Variants in PCDHGA4 observed in about 807,000 individuals in gnomAD.
PCDHGA4 encodes protocadherin gamma subfamily A, 4.
A neutral mutation model predicts 54.6 loss-of-function variants in PCDHGA4; 38 were observed. The ratio of observed to expected loss-of-function variants is 0.70; its 90% CI spans 0.54 to 0.91. The LOEUF (loss-of-function observed/expected upper bound fraction) is 0.91, where lower values mean the gene tolerates loss of function less well. Among genes scored for constraint, PCDHGA4 ranks in the 40% least tolerant of loss-of-function variants. The pLI, the probability that PCDHGA4 is intolerant of heterozygous loss-of-function variation, is 0.00. For missense variants in PCDHGA4, 1,298 were observed against 1,220.9 expected (o/e 1.06, Z -0.94); for synonymous variants, 511 against 512.9 (o/e 1.00, Z 0.05).
At chr5:141,499,908 G>T (rs903753761) in intron 2 of PCDHGA4, among the ~76,000 whole-genome samples, 1 of 151,980 alleles carries the variant, frequency 6.6e-6, no homozygotes, top group African/African-American at 2.4e-5. Flanking sequence ...GGCTGGTCTT[G>T]AACTCCTGGC....
intron 1 of PCDHGA4, chr5:141,422,096 C>T: frequency 6.2e-7 from 1 of 1,610,710 alleles, no homozygotes; most frequent in Non-Finnish European, 8.5e-7. Context: ...AGCAAGGCTT[C>T]TGAAATATTC....
intron 1 of PCDHGA4, among the ~76,000 whole-genome samples, chr5:141,452,455 C>T (rs2098741536): frequency 6.6e-6 from 1 of 152,208 alleles, no homozygotes; most frequent in Non-Finnish European, 1.5e-5. Flanking sequence ...GCCTTGTCAG[C>T]AGACGGAGCT....
Position 141,476,782 on chromosome 5 carries a change from A to T in PCDHGA4, c.2515-18025A>T. On this transcript the variant is annotated intron_variant, in intron 1 of 3. Coordinates refer to ENST00000571252, the MANE Select transcript of PCDHGA4 (RefSeq NM_018917.4). The surrounding 1 kb of genome is among the most constrained non-coding windows in gnomAD (Gnocchi z 7.6). ...TGACGGCGTTGGACGGAGGGACCCCAGCTCTCTCCGCCAGCCTGCCTATTC... is the reference window on the plus strand; with the variant it reads ...TGACGGCGTTGGACGGAGGGACCCCTGCTCTCTCCGCCAGCCTGCCTATTC... 6.2e-7 allele frequency: 1 copy of T among 1,613,568 alleles called. No individual in the cohort carries two copies. The highest frequency in any genetic ancestry group is 8.5e-7 in the Non-Finnish European group (1 of 1,179,996).
chr5:141,487,041 G>T lies in PCDHGA4; in HGVS notation c.2515-7766G>T, dbSNP rs149314216. Reference sequence around the variant, plus strand: ...GATCCCAGCCTGTTTGCAGTCTCTCGATATGCTGGGGAGGTGCGGACGGCT... The same window carrying T: ...GATCCCAGCCTGTTTGCAGTCTCTCTATATGCTGGGGAGGTGCGGACGGCT... On this transcript the variant is annotated intron_variant, in intron 1 of 3. Transcript: ENST00000571252. This position sits in a 1 kb window ranked among gnomAD's most constrained non-coding sequence, Gnocchi z 5.0. 6.2e-7 allele frequency: 1 copy of T among 1,614,132 alleles called. No homozygotes were observed. The highest frequency in any genetic ancestry group is 8.5e-7 in the Non-Finnish European group (1 of 1,180,030).
In PCDHGA4 at chr5:141,355,154, C is replaced by G. The variant is rs1314885234; in HGVS notation, c.47C>G (p.Ser16Trp). Residue 16 changes from serine to tryptophan, a missense_variant, in exon 1 of 4, where the codon TCG (serine) becomes TGG (tryptophan). By Grantham distance (177) the Ser-to-Trp change is radical. Transcript: ENST00000571252. Reference sequence around the variant, plus strand: ...GAAGATCCTGGGGCTCCTCAGGCCTCGACAGAGGGAAAACCGAAGCACAGG... The same window carrying G: ...GAAGATCCTGGGGCTCCTCAGGCCTGGACAGAGGGAAAACCGAAGCACAGG... ...DPEDPGAPQA[S>W]TEGKPKHRRL... 11 of 1,551,788 alleles carry G rather than the reference C, an allele frequency of 7.1e-6. No individual in the cohort carries two copies. The Admixed American group carries it at 1.7e-4, about 25-fold the overall frequency.
At chr5:141,480,653 T>C (rs1214823403) in intron 1 of PCDHGA4, among the ~76,000 whole-genome samples, 2 of 152,190 alleles carry the variant, frequency 1.3e-5, no homozygotes, top group Admixed American at 1.3e-4. Context: ...TGGTTGCACA[T>C]TAAAATCACC....
chr5:141,421,515 CTG>C, intron 1 of PCDHGA4: 1 of 1,614,080 alleles, frequency 6.2e-7, no homozygotes, highest in Non-Finnish European at 8.5e-7. Context: ...GGGAGGAGCT[CTG>C]TGAGACGGTG....
At position 141,485,257 on chromosome 5, in the gene PCDHGA4, T is replaced by G. The variant is rs1251686604; in HGVS notation, c.2515-9550T>G. 1.9e-6 allele frequency: 3 copies of G among 1,614,036 alleles called. No homozygotes were observed. The highest frequency in any genetic ancestry group is 2.5e-6 in the Non-Finnish European group (3 of 1,180,006). ...TCTTTTACCACCTGGGTTACGTTTG[T>G]GGGCAGATCCGCTACCCGGTCCCAG... On this transcript the variant is annotated intron_variant, in intron 1 of 3. Coordinates refer to ENST00000571252, the MANE Select transcript of PCDHGA4 (RefSeq NM_018917.4). The surrounding 1 kb of genome is among the most constrained non-coding windows in gnomAD (Gnocchi z 5.7).
intron 1 of PCDHGA4, chr5:141,394,749 G>C (rs1270810324): frequency 1.2e-6 from 2 of 1,613,424 alleles, no homozygotes; most frequent in Admixed American, 1.7e-5. Context: ...CGTGGTGGCC[G>C]TCCAGGACCA....
At chr5:141,374,058 C>G in intron 1 of PCDHGA4, 1 of 1,487,942 alleles carries the variant, frequency 6.7e-7, no homozygotes, top group Non-Finnish European at 8.9e-7. Flanking sequence ...CTTCTTAATC[C>G]CAGAGAAGTT....
chr5:141,444,360 G>A (rs556605314), intron 1 of PCDHGA4, among the ~76,000 whole-genome samples: 1 of 151,652 alleles, frequency 6.6e-6, no homozygotes, highest in South Asian at 2.1e-4. Context: ...TAGTAGAGAC[G>A]GGGTTTCTCC....
chr5:141,395,654 A>G (rs1462491005), intron 1 of PCDHGA4: 1 of 164,436 alleles, frequency 6.1e-6, no homozygotes, highest in Admixed American at 6.1e-5. Context: ...AGCTTAGCAA[A>G]AGTAAAATAT....
At chr5:141,492,241 C>T (rs1351937353) in intron 1 of PCDHGA4, among the ~76,000 whole-genome samples, 1 of 152,186 alleles carries the variant, frequency 6.6e-6, no homozygotes, top group African/African-American at 2.4e-5. Flanking sequence ...TGCTGGCCAC[C>T]CCCACGGCCC....
At chr5:141,365,765 C>T (rs1446100014) in intron 1 of PCDHGA4, 3 of 1,613,848 alleles carry the variant, frequency 1.9e-6, no homozygotes, top group African/African-American at 1.3e-5. Context: ...AGCCCATGAC[C>T]CCGACAGCGG....
intron 1 of PCDHGA4, chr5:141,399,634 A>C: frequency 6.2e-7 from 1 of 1,613,860 alleles, no homozygotes; most frequent in East Asian, 2.2e-5. Context: ...TTACGTGTCC[A>C]TGAGCGCGCA....
At chr5:141,361,758 G>A (rs1388339327) in intron 1 of PCDHGA4, 4 of 1,612,942 alleles carry the variant, frequency 2.5e-6, no homozygotes, top group Non-Finnish European at 3.4e-6. Flanking sequence ...GCTCGCCCGC[G>A]CTCAGCGCCA....
intron 1 of PCDHGA4, among the ~76,000 whole-genome samples, chr5:141,447,275 G>A (rs2098532748): frequency 1.3e-5 from 2 of 152,154 alleles, no homozygotes; most frequent in South Asian, 2.1e-4. Context: ...AAGTAGCTGG[G>A]ACTACAGGCA....
At chr5:141,382,123 T>C (rs1431842426) in intron 1 of PCDHGA4, among the ~76,000 whole-genome samples, 1 of 152,126 alleles carries the variant, frequency 6.6e-6, no homozygotes, top group Non-Finnish European at 1.5e-5. Context: ...CAACAGCACC[T>C]GGCCCCCCCT....
chr5:141,410,852 T>A, intron 1 of PCDHGA4: 1 of 284,264 alleles, frequency 3.5e-6, no homozygotes. Context: ...TCTTTGTCTT[T>A]TTTTTTTTTT....
Sources: allele counts gnomAD v4.1 joint callset (sites outside exome capture counted in the v4.1 genomes callset), GRCh38; gene constraint gnomAD v4.1.1; non-coding constraint Gnocchi (gnomAD v3.1); transcripts MANE v1.5; gene names NCBI Gene and HGNC (gene_info 2026-07-23, HGNC 2026-07-21).